Variants in FRMD3 observed in about 807,000 individuals in gnomAD.
FRMD3 encodes FERM domain-containing protein 3.
A neutral mutation model predicts 70.2 loss-of-function variants in FRMD3; 33 were observed. The observed-to-expected ratio is 0.47, with a 90% CI of 0.36 to 0.63. The LOEUF (loss-of-function observed/expected upper bound fraction) is 0.63, where lower values mean the gene tolerates loss of function less well. Ranked by LOEUF, FRMD3 falls within the 20% of genes least tolerant of loss-of-function variation. The pLI is 0.00. For synonymous variants in FRMD3, 279 were observed against 255.9 expected, an observed-to-expected ratio of 1.09 and a Z score of -0.86; for missense variants, 632 against 711.4, an observed-to-expected ratio of 0.89 and a Z score of 1.27.
Position 83,268,253 on chromosome 9 carries a change from G to T in FRMD3, c.1196-19737C>A, listed in dbSNP as rs187339010. ...TCTAATAATCCTCTATGAAACAAAG[G>T]TTTATTCAGAGCAGGAATTGAAATT... On this transcript the variant is annotated intron_variant, in intron 13 of 13. Transcript: ENST00000304195. Among the ~76,000 whole-genome samples the T allele has an allele frequency of 2.4e-3, 362 of 150,590 alleles. 3 individuals carry two copies. Among genetic ancestry groups the T allele is most frequent in the Non-Finnish European group, 4.0e-3 (269 of 66,996 alleles).
intron 13 of FRMD3, among the ~76,000 whole-genome samples, chr9:83,284,234 A>G (rs1313408634): frequency 1.3e-5 from 2 of 152,110 alleles, no homozygotes; most frequent in Non-Finnish European, 2.9e-5. Flanking sequence ...GGTAGCAGGA[A>G]CCATAAGGGG....
chr9:83,486,493 A>C (rs1007352925), intron 1 of FRMD3, among the ~76,000 whole-genome samples: 5 of 152,198 alleles, frequency 3.3e-5, no homozygotes, highest in African/African-American at 1.2e-4. Context: ...AAATGACAGG[A>C]GGTCACCATA....
intron 12 of FRMD3, among the ~76,000 whole-genome samples, chr9:83,290,958 C>T (rs1834396014): frequency 6.6e-6 from 1 of 152,132 alleles, no homozygotes; most frequent in Non-Finnish European, 1.5e-5. Context: ...AAAGAAAATA[C>T]AGTTCCCAAT....
chr9:83,565,206 C>T, the FRMD3 span, among the ~76,000 whole-genome samples: 2 of 152,232 alleles, frequency 1.3e-5, no homozygotes, highest in South Asian at 4.1e-4. Context: ...TATTTTTGAT[C>T]TGGAAGTAAG....
chr9:83,502,626 G>A (rs545511513), intron 1 of FRMD3, among the ~76,000 whole-genome samples: 9 of 152,202 alleles, frequency 5.9e-5, no homozygotes, highest in South Asian at 2.1e-4. Context: ...GATGGTACCC[G>A]GAAGCTTGCT....
the FRMD3 span, among the ~76,000 whole-genome samples, chr9:83,575,173 T>C: frequency 6.6e-6 from 1 of 152,156 alleles, no homozygotes; most frequent in African/African-American, 2.4e-5. Flanking sequence ...CTATTAGTTG[T>C]ATTTGAAAGA....
At chr9:83,546,108 G>T in the FRMD3 span, among the ~76,000 whole-genome samples, 3,083 of 151,420 alleles carry the variant, frequency 0.02, 111 homozygotes, top group African/African-American at 0.07. Flanking sequence ...TGTAATGCCA[G>T]CAGTTTGAGA....
At chr9:83,454,526 C>A (rs1827762284) in intron 1 of FRMD3, among the ~76,000 whole-genome samples, 1 of 152,200 alleles carries the variant, frequency 6.6e-6, no homozygotes, top group South Asian at 2.1e-4. Context: ...CATGAAAAGG[C>A]CTTTTGCAAA....
intron 1 of FRMD3, among the ~76,000 whole-genome samples, chr9:83,506,209 G>A (rs138924104): frequency 3.0e-3 from 464 of 152,204 alleles, no homozygotes; most frequent in Non-Finnish European, 5.6e-3. Context: ...TTTTTTTAAA[G>A]TTAAAGCTAG....
Position 83,299,220 on chromosome 9 carries a change from C to T in FRMD3, c.927-34G>A, listed in dbSNP as rs554456430. On this transcript the variant is annotated intron_variant, in intron 10 of 13. Transcript: ENST00000304195. ...AAAAGCAAAGCACAGGTGGTTAGGA[C>T]ATTGGAAAGTCCACTTACAACATGC... The T allele has an allele frequency of 4.7e-5, 68 of 1,437,570 alleles. 1 individual carries two copies. The South Asian group carries it at 7.9e-4, about 17-fold the overall frequency. The allele number at this position is 1,437,570 out of a possible 1,614,324, so 89.1% of individuals were successfully genotyped here.
chr9:83,474,268 T>C (rs1828341048), intron 1 of FRMD3, among the ~76,000 whole-genome samples: 1 of 152,228 alleles, frequency 6.6e-6, no homozygotes. Context: ...CTGTTCTTTC[T>C]TACTATCTGG....
intron 3 of FRMD3, among the ~76,000 whole-genome samples, chr9:83,353,992 TCAGC>T (rs1451871658): frequency 6.6e-6 from 1 of 152,154 alleles, no homozygotes; most frequent in African/African-American, 2.4e-5. Flanking sequence ...TGGCGTGATC[TCAGC>T]TCACTGCAAC....
chr9:83,326,626 T>A (rs886312756), intron 6 of FRMD3, among the ~76,000 whole-genome samples: 5 of 152,040 alleles, frequency 3.3e-5, no homozygotes, highest in African/African-American at 1.2e-4. Context: ...GATACTAAGA[T>A]CAATTAAATA....
At chr9:83,459,168 T>C (rs1248692129) in intron 1 of FRMD3, among the ~76,000 whole-genome samples, 1 of 152,326 alleles carries the variant, frequency 6.6e-6, no homozygotes, top group Non-Finnish European at 1.5e-5. Flanking sequence ...TTGAGTCTTG[T>C]AGAGAATCAA....
intron 1 of FRMD3, among the ~76,000 whole-genome samples, chr9:83,459,941 C>T (rs1026361062): frequency 2.0e-5 from 3 of 152,232 alleles, no homozygotes; most frequent in African/African-American, 7.2e-5. Flanking sequence ...TCAGTGCATG[C>T]GCACTGGAGA....
chr9:83,405,577 C>G (rs1826076493), intron 1 of FRMD3, among the ~76,000 whole-genome samples: 1 of 150,356 alleles, frequency 6.7e-6, no homozygotes, highest in African/African-American at 2.5e-5. Flanking sequence ...GCCTGACCAA[C>G]ATGAAGAAAC....
chr9:83,410,299 G>C (rs9314715), intron 1 of FRMD3, among the ~76,000 whole-genome samples: 6,434 of 152,044 alleles, frequency 0.042, 475 homozygotes, highest in African/African-American at 0.15. Flanking sequence ...CCTTGCCCTT[G>C]TCCCTCCCTC....
At chr9:83,481,961 CAAA>C (rs3083249) in intron 1 of FRMD3, among the ~76,000 whole-genome samples, 1,424 of 133,050 alleles carry the variant, frequency 0.011, 28 homozygotes, top group African/African-American at 0.035. Flanking sequence ...TGTTTCATAA[CAAA>C]AAAAAAAAAA....
chr9:83,263,506 T>C (rs1030795217), intron 13 of FRMD3, among the ~76,000 whole-genome samples: 33 of 152,200 alleles, frequency 2.2e-4, no homozygotes, highest in African/African-American at 7.7e-4. Flanking sequence ...TAGCAAAACG[T>C]TGGAAGAATT....
Sources: gnomAD v4.1 joint callset for allele counts (sites outside exome capture counted in the v4.1 genomes callset) on GRCh38, gnomAD v4.1.1 for gene constraint, MANE v1.5 for transcripts, NCBI Gene and HGNC (gene_info 2026-07-23, HGNC 2026-07-21) for gene names.